SLCO2A1: variants seen among roughly 807,000 people sequenced by gnomAD.
SLCO2A1 encodes the protein solute carrier organic anion transporter family member 2A1.
In SLCO2A1, 60 loss-of-function variants were observed where a neutral mutation model predicts 71.7. The observed-to-expected ratio is 0.84, with a 90% CI of 0.68 to 1.04. The LOEUF (loss-of-function observed/expected upper bound fraction) is 1.04. SLCO2A1 is among the 50% of genes least tolerant of loss of function. SLCO2A1 has a pLI of 0.00. For synonymous variants in SLCO2A1, 308 were observed against 326.7 expected, an observed-to-expected ratio of 0.94 and a Z score of 0.62; for missense variants, 745 against 813.4, an observed-to-expected ratio of 0.92 and a Z score of 1.02.
At chr3:133,955,675 C>A (rs1156643263) in intron 3 of SLCO2A1, among the ~76,000 whole-genome samples, 1 of 152,188 alleles carries the variant, frequency 6.6e-6, no homozygotes, top group Non-Finnish European at 1.5e-5. Flanking sequence ...AGAGGTCATG[C>A]TGTTGCACCG....
intron 1 of SLCO2A1, among the ~76,000 whole-genome samples, chr3:134,006,569 C>T (rs1935220334): frequency 6.6e-6 from 1 of 152,158 alleles, no homozygotes; most frequent in Non-Finnish European, 1.5e-5. Context: ...TGGAATCATA[C>T]AGTATTTTGT....
intron 1 of SLCO2A1, among the ~76,000 whole-genome samples, chr3:133,981,664 A>T (rs1934594731): frequency 6.6e-6 from 1 of 152,178 alleles, no homozygotes; most frequent in South Asian, 2.1e-4. Flanking sequence ...TGTAAAGGGT[A>T]AGATGTGAAA....
intron 1 of SLCO2A1, among the ~76,000 whole-genome samples, chr3:134,003,932 G>GA (rs879383786): frequency 1.3e-5 from 2 of 152,054 alleles, no homozygotes; most frequent in African/African-American, 4.8e-5. Context: ...GAGAGAGAGG[G>GA]AAAAAAAGAG....
chr3:134,009,850 G>GA (rs956909532), intron 1 of SLCO2A1, among the ~76,000 whole-genome samples: 15 of 152,300 alleles, frequency 9.8e-5, no homozygotes, highest in African/African-American at 2.2e-4. Flanking sequence ...AGTACATAGA[G>GA]AAAAAATCTT....
chr3:134,020,417 C>A (rs1935548651), intron 1 of SLCO2A1, among the ~76,000 whole-genome samples: 1 of 152,202 alleles, frequency 6.6e-6, no homozygotes, highest in South Asian at 2.1e-4. Context: ...CTGCCCTGTG[C>A]AACATCTCGG....
chr3:133,991,797 G>A (rs919427449), intron 1 of SLCO2A1, among the ~76,000 whole-genome samples: 9 of 152,158 alleles, frequency 5.9e-5, no homozygotes, highest in Non-Finnish European at 1.2e-4. Context: ...TAACTCTTCC[G>A]CTTTCTTCTC....
chr3:134,015,505 A>C (rs1935430523), intron 1 of SLCO2A1, among the ~76,000 whole-genome samples: 1 of 152,182 alleles, frequency 6.6e-6, no homozygotes, highest in South Asian at 2.1e-4. Context: ...TGGGAGGAAT[A>C]GATTTTGAGA....
intron 4 of SLCO2A1, among the ~76,000 whole-genome samples, chr3:133,954,350 C>T (rs185833451): frequency 6.6e-5 from 10 of 151,920 alleles, no homozygotes; most frequent in African/African-American, 2.4e-4. Context: ...TTAATAGAGA[C>T]GGGGTTTCTC....
intron 1 of SLCO2A1, among the ~76,000 whole-genome samples, chr3:133,995,226 A>G (rs1445466471): frequency 1.3e-5 from 2 of 152,100 alleles, no homozygotes; most frequent in African/African-American, 4.8e-5. Context: ...TACTTTATAT[A>G]AATAGAATCA....
chr3:134,022,970 T>C (rs1935620216), intron 1 of SLCO2A1, among the ~76,000 whole-genome samples: 1 of 152,196 alleles, frequency 6.6e-6, no homozygotes, highest in South Asian at 2.1e-4. Flanking sequence ...CTAAGTCTTT[T>C]AGCACATGTA....
At chr3:133,957,350 A>G (rs1933923473) in intron 3 of SLCO2A1, among the ~76,000 whole-genome samples, 1 of 151,970 alleles carries the variant, frequency 6.6e-6, no homozygotes, top group African/African-American at 2.4e-5. Context: ...AATGTCAAAC[A>G]CCCATGTACT....
intron 1 of SLCO2A1, among the ~76,000 whole-genome samples, chr3:133,993,179 T>C (rs1365516065): frequency 6.6e-6 from 1 of 152,064 alleles, no homozygotes; most frequent in African/African-American, 2.4e-5. Flanking sequence ...CCCCAGGGAG[T>C]AGAACACAGT....
intron 6 of SLCO2A1, 182 bp from the exon 7 acceptor site, chr3:133,949,153 C>T (rs1397952902): frequency 2.0e-5 from 12 of 603,960 alleles, no homozygotes; most frequent in South Asian, 3.9e-5. Flanking sequence ...CCTGCATTTC[C>T]GTGAGCCTGG....
At chr3:133,972,126 A>G (rs1378010049) in intron 3 of SLCO2A1, among the ~76,000 whole-genome samples, 1 of 152,256 alleles carries the variant, frequency 6.6e-6, no homozygotes, top group African/African-American at 2.4e-5. Context: ...GAAGACATCA[A>G]TAACACAAAA....
chr3:133,950,827 T>C (rs1423749786), intron 6 of SLCO2A1: 1 of 289,672 alleles, frequency 3.5e-6, no homozygotes, highest in African/African-American at 2.2e-5. Flanking sequence ...TACTCAGTTT[T>C]TCAGGTTCAA....
At chr3:133,992,650 G>T (rs911064388) in intron 1 of SLCO2A1, among the ~76,000 whole-genome samples, 4 of 152,200 alleles carry the variant, frequency 2.6e-5, no homozygotes, top group Non-Finnish European at 4.4e-5. Context: ...GCCAGCAGAG[G>T]GAGGAGAAAC....
chr3:134,029,640 G>A, intron 1 of SLCO2A1, 67 bp downstream of exon 1: 1 of 1,323,036 alleles, frequency 7.6e-7, no homozygotes, highest in Non-Finnish European at 1.0e-6. Flanking sequence ...GCAGACAGAA[G>A]CGGGTGCCCA....
At position 134,028,406 on chromosome 3, in the gene SLCO2A1, TGAG is replaced by T. The variant is rs755011152; in HGVS notation, c.96+1298_96+1300del. On this transcript the variant is annotated intron_variant, in intron 1 of 13. Transcript: ENST00000310926. ...ATTTCCATCCAGGTCTGGCCAAAAA[TGAG>T]GAGATTTGGAGATTATTTTAAGCTA... 2.6e-5 allele frequency among the ~76,000 whole-genome samples: 4 copies of T among 152,208 alleles called. No homozygotes were observed. In the South Asian group the frequency reaches 6.2e-4, roughly 24 times the overall value.
At chr3:134,002,971 C>T (rs1448250508) in intron 1 of SLCO2A1, among the ~76,000 whole-genome samples, 2 of 152,226 alleles carry the variant, frequency 1.3e-5, no homozygotes, top group African/African-American at 4.8e-5. Flanking sequence ...CATCTGCCCA[C>T]CTGGGCATGG....
Sources: allele counts gnomAD v4.1 joint callset (sites outside exome capture counted in the v4.1 genomes callset), GRCh38; gene constraint gnomAD v4.1.1; transcripts MANE v1.5; gene names NCBI Gene and HGNC (gene_info 2026-07-23, HGNC 2026-07-21).